CPPED1: variants seen among roughly 807,000 people sequenced by gnomAD.
The protein encoded by CPPED1 is calcineurin like phosphoesterase domain containing 1.
Under a neutral mutation model 28.0 loss-of-function variants are expected in CPPED1, and 28 were observed. The observed-to-expected ratio is 1.00, with a 90% CI of 0.74 to 1.37. The LOEUF (loss-of-function observed/expected upper bound fraction) is 1.37, where lower values mean the gene tolerates loss of function less well. Among genes scored for constraint, CPPED1 ranks in the 40% most tolerant of loss-of-function variants. The pLI, the probability that CPPED1 is intolerant of heterozygous loss-of-function variation, is 0.00. For missense variants in CPPED1, 504 were observed against 416.5 expected, an observed-to-expected ratio of 1.21 and a Z score of -1.83; for synonymous variants, 198 against 180.2, an observed-to-expected ratio of 1.10 and a Z score of -0.79.
At chr16:12,753,582 C>T (rs75700358) in intron 2 of CPPED1, among the ~76,000 whole-genome samples, 1,583 of 152,252 alleles carry the variant, frequency 0.01, 12 homozygotes, top group Non-Finnish European at 0.014. Context: ...CCCTCCTCCT[C>T]CAGGTCTGAC....
At chr16:12,796,039 C>T (rs144414490) in intron 1 of CPPED1, among the ~76,000 whole-genome samples, 1,803 of 150,194 alleles carry the variant, frequency 0.012, 38 homozygotes, top group African/African-American at 0.041. Flanking sequence ...GCCAAGATCA[C>T]GCCACTGCAC....
intron 1 of CPPED1, among the ~76,000 whole-genome samples, chr16:12,791,797 C>T (rs540985761): frequency 3.1e-4 from 47 of 152,336 alleles, no homozygotes; most frequent in South Asian, 1.4e-3. Context: ...GTTTGCATTC[C>T]CTTTCTGGCA....
At chr16:12,801,313 G>A (rs778068489) in intron 1 of CPPED1, among the ~76,000 whole-genome samples, 2 of 152,106 alleles carry the variant, frequency 1.3e-5, no homozygotes, top group Non-Finnish European at 2.9e-5. Context: ...TGCTGGTCTC[G>A]AACTCCTGAC....
At chr16:12,672,267 CA>C (rs1311251636) in intron 3 of CPPED1, among the ~76,000 whole-genome samples, 2 of 152,048 alleles carry the variant, frequency 1.3e-5, no homozygotes, top group Non-Finnish European at 2.9e-5. Flanking sequence ...TCCCTTGGCC[CA>C]AAAAAACCAT....
chr16:12,702,284 T>C (rs148575750), intron 3 of CPPED1, among the ~76,000 whole-genome samples: 19 of 151,418 alleles, frequency 1.3e-4, no homozygotes, highest in Admixed American at 1.2e-3. Flanking sequence ...ACCTGTAATT[T>C]AAACTCTTCG....
At chr16:12,772,291 T>C (rs757544046) in intron 2 of CPPED1, among the ~76,000 whole-genome samples, 2 of 152,204 alleles carry the variant, frequency 1.3e-5, no homozygotes, top group Non-Finnish European at 2.9e-5. Context: ...CAGGTCTCAC[T>C]GGGGCATTTT....
In CPPED1 at chr16:12,781,277, C is replaced by T. The variant is rs367880734; in HGVS notation, c.197G>A (p.Arg66His). Residue 66 changes from arginine to histidine, a missense_variant, in exon 2 of 4, where the codon CGT becomes CAT. Transcript: ENST00000381774. ...NGGDEWEQEIRLTEQAVQAIN... is the reference protein window; with the variant it reads ...NGGDEWEQEIHLTEQAVQAIN... ...GGCCTGGACGGCTTGCTCAGTTAGA[C>T]GGATCTCCTGTTCCCATTCGTCACC... 1.2e-5 allele frequency: 20 copies of T among 1,614,106 alleles called. No homozygotes were observed. Among genetic ancestry groups the T allele is most frequent in the East Asian group, 4.5e-5 (2 of 44,866 alleles).
At chr16:12,775,707 GACCAGCCAGGCTGCAAA>G (rs2080493859) in intron 2 of CPPED1, among the ~76,000 whole-genome samples, 1 of 152,126 alleles carries the variant, frequency 6.6e-6, no homozygotes, top group Non-Finnish European at 1.5e-5. Context: ...CCTTCTGTCT[GACCAGCCAGGCTGCAAA>G]ACGAAGCGCA....
chr16:12,747,386 T>G (rs1000683869), intron 2 of CPPED1, among the ~76,000 whole-genome samples: 3 of 151,868 alleles, frequency 2.0e-5, no homozygotes, highest in African/African-American at 4.8e-5. Flanking sequence ...GAGCCATGAT[T>G]GCACCACTGC....
At chr16:12,736,233 T>A (rs2080226108) in intron 2 of CPPED1, among the ~76,000 whole-genome samples, 1 of 151,896 alleles carries the variant, frequency 6.6e-6, no homozygotes, top group South Asian at 2.1e-4. Context: ...GAAGAAAAGG[T>A]TAAACACCTT....
chr16:12,739,453 C>T (rs528984931), intron 2 of CPPED1, among the ~76,000 whole-genome samples: 22 of 152,150 alleles, frequency 1.4e-4, no homozygotes, highest in South Asian at 6.2e-4. Context: ...TGGTGGCAGG[C>T]GCCTGTAATC....
chr16:12,766,695 G>A (rs947868572), intron 2 of CPPED1, among the ~76,000 whole-genome samples: 2 of 152,128 alleles, frequency 1.3e-5, no homozygotes, highest in African/African-American at 2.4e-5. Context: ...CTTGAACCAG[G>A]GGGGCGCAGG....
chr16:12,724,943 C>G (rs1044735452), intron 2 of CPPED1, among the ~76,000 whole-genome samples: 13 of 151,970 alleles, frequency 8.6e-5, no homozygotes, highest in African/African-American at 2.9e-4. Context: ...CCTGCCACCA[C>G]GCCCGGCTAA....
Position 12,737,757 on chromosome 16 carries a change from G to A in CPPED1, c.290-32708C>T, listed in dbSNP as rs373503292. ...GGACACTGGAGCTGCGCAGCAAAAG[G>A]GCTCTGAGGTCGCCAGAGTGGCTGC... On this transcript the variant is annotated intron_variant, in intron 2 of 3. Coordinates refer to ENST00000381774, the MANE Select transcript of CPPED1 (RefSeq NM_018340.3). Among the ~76,000 whole-genome samples the A allele has an allele frequency of 1.3e-4, 20 of 152,328 alleles. No individual in the cohort carries two copies. In the East Asian group the frequency reaches 2.9e-3, roughly 22 times the overall value.
At chr16:12,669,734 G>A (rs557047754) in intron 3 of CPPED1, among the ~76,000 whole-genome samples, 2 of 152,310 alleles carry the variant, frequency 1.3e-5, no homozygotes, top group African/African-American at 4.8e-5. Context: ...CTAGCACTCA[G>A]ATCTGGCTTC....
chr16:12,791,679 G>C (rs8043820), intron 1 of CPPED1, among the ~76,000 whole-genome samples: 39,249 of 152,038 alleles, frequency 0.26, 6,483 homozygotes, highest in African/African-American at 0.47. Flanking sequence ...CCCTACTCCA[G>C]TCCATCTCAG....
chr16:12,746,074 C>T (rs921917492), intron 2 of CPPED1: 14 of 152,074 alleles, frequency 9.2e-5, no homozygotes, highest in African/African-American at 3.1e-4. Context: ...AAAATTGTCA[C>T]GCTACAATTC....
chr16:12,681,893 G>A (rs1015743519), intron 3 of CPPED1, among the ~76,000 whole-genome samples: 3 of 152,090 alleles, frequency 2.0e-5, no homozygotes, highest in African/African-American at 7.2e-5. Flanking sequence ...AGCAGAATTG[G>A]GAAATAATTA....
chr16:12,731,520 C>G (rs2080197517), intron 2 of CPPED1, among the ~76,000 whole-genome samples: 1 of 151,874 alleles, frequency 6.6e-6, no homozygotes, highest in African/African-American at 2.4e-5. Context: ...CATTTGGCTC[C>G]TAGAACACTT....
Sources: allele counts gnomAD v4.1 joint callset (sites outside exome capture counted in the v4.1 genomes callset), GRCh38; gene constraint gnomAD v4.1.1; transcripts MANE v1.5; gene names NCBI Gene and HGNC (gene_info 2026-07-23, HGNC 2026-07-21).